The following BACH2 variants were observed in gnomAD, a reference collection of about 807,000 sequenced individuals.
The protein encoded by BACH2 is transcription regulator protein BACH2.
In BACH2, 5 loss-of-function variants were observed where a neutral mutation model predicts 61.8. The observed-to-expected ratio is 0.08, with a 90% CI of 0.04 to 0.17. BACH2 has a LOEUF of 0.17. BACH2 is among the 10% of genes least tolerant of loss of function. BACH2 has a pLI of 1.00. For missense variants in BACH2, 824 were observed against 1,091.1 expected, an observed-to-expected ratio of 0.76 and a Z score of 3.45; for synonymous variants, 446 against 440.1, an observed-to-expected ratio of 1.01 and a Z score of -0.17.
chr6:90,163,621 C>A (rs753305065), intron 4 of BACH2, among the ~76,000 whole-genome samples: 12 of 152,048 alleles, frequency 7.9e-5, no homozygotes, highest in Non-Finnish European at 1.3e-4. Flanking sequence ...TAGATGATAT[C>A]TTCATTGTAA....
At chr6:89,976,983 C>T (rs1277244766) in intron 6 of BACH2, among the ~76,000 whole-genome samples, 2 of 152,234 alleles carry the variant, frequency 1.3e-5, no homozygotes, top group Non-Finnish European at 2.9e-5. Context: ...CTTCATATGA[C>T]TAGGTCCTGC....
chr6:90,121,268 T>C (rs1361159801), intron 4 of BACH2, among the ~76,000 whole-genome samples: 2 of 152,190 alleles, frequency 1.3e-5, no homozygotes, highest in African/African-American at 4.8e-5. Context: ...TAGTATCTTT[T>C]TAAAAAATGA....
At chr6:90,079,606 A>C (rs1038684123) in intron 5 of BACH2, among the ~76,000 whole-genome samples, 2 of 152,166 alleles carry the variant, frequency 1.3e-5, no homozygotes, top group Non-Finnish European at 2.9e-5. Context: ...TTAAACAGAG[A>C]CAAATTATTT....
chr6:90,057,167 A>T (rs1169065446), intron 5 of BACH2, among the ~76,000 whole-genome samples: 1 of 152,204 alleles, frequency 6.6e-6, no homozygotes, highest in African/African-American at 2.4e-5. Context: ...CCCTTCAAAA[A>T]ATGAATGAAT....
intron 1 of BACH2, among the ~76,000 whole-genome samples, chr6:90,296,228 C>T (rs1562548740): frequency 2.0e-5 from 3 of 152,106 alleles, no homozygotes; most frequent in East Asian, 3.9e-4. Flanking sequence ...CCGCCGTAAA[C>T]AGCCGGGAGG....
chr6:90,241,935 C>CT (rs565177176), intron 3 of BACH2, among the ~76,000 whole-genome samples: 175 of 140,184 alleles, frequency 1.2e-3, no homozygotes, highest in East Asian at 4.4e-3. Flanking sequence ...TCCTGATTTT[C>CT]TTTTTTTTTT....
At chr6:90,267,420 T>A (rs985414993) in intron 2 of BACH2, among the ~76,000 whole-genome samples, 1 of 152,162 alleles carries the variant, frequency 6.6e-6, no homozygotes, top group African/African-American at 2.4e-5. Flanking sequence ...TCCTAACACC[T>A]GGCAGGGGTG....
intron 6 of BACH2, among the ~76,000 whole-genome samples, chr6:89,989,114 C>T (rs576090003): frequency 6.6e-6 from 1 of 152,306 alleles, no homozygotes; most frequent in South Asian, 2.1e-4. Flanking sequence ...CTCCAGTTCT[C>T]CAAGATGGAG....
chr6:90,120,805 T>G (rs1783590817), intron 4 of BACH2, among the ~76,000 whole-genome samples: 1 of 152,224 alleles, frequency 6.6e-6, no homozygotes, highest in South Asian at 2.1e-4. Flanking sequence ...ATGTTCTCTC[T>G]CGAACTCTGG....
chr6:90,103,014 TATATATATA>T (rs1181805786), intron 4 of BACH2, among the ~76,000 whole-genome samples: 1 of 34,622 alleles, frequency 2.9e-5, no homozygotes, highest in African/African-American at 1.7e-4. Context: ...TACATATATA[TATATATATA>T]TATATATTTT....
At chr6:90,255,600 C>A (rs752858703) in intron 2 of BACH2, among the ~76,000 whole-genome samples, 3 of 152,008 alleles carry the variant, frequency 2.0e-5, no homozygotes, top group Non-Finnish European at 4.4e-5. Flanking sequence ...AGAAAACAGC[C>A]AACTTTAAGC....
intron 5 of BACH2, among the ~76,000 whole-genome samples, chr6:90,053,391 C>T (rs1261298755): frequency 7.2e-5 from 11 of 152,010 alleles, no homozygotes; most frequent in East Asian, 1.9e-4. Flanking sequence ...GTGATTCTCC[C>T]GCCTCAGCCT....
At chr6:90,011,931 T>A (rs1414432232) in intron 5 of BACH2, among the ~76,000 whole-genome samples, 1 of 86,554 alleles carries the variant, frequency 1.2e-5, no homozygotes, top group African/African-American at 5.4e-5. Flanking sequence ...AAAAAAAAAA[T>A]ATGTGTGTGT....
intron 7 of BACH2, among the ~76,000 whole-genome samples, chr6:89,942,247 T>C (rs1356959234): frequency 6.6e-6 from 1 of 152,096 alleles, no homozygotes; most frequent in African/African-American, 2.4e-5. Flanking sequence ...GAGTAATAAG[T>C]TCCAAGCCAA....
At chr6:90,089,182 A>G (rs1330557848) in intron 4 of BACH2, 73 bp from the exon 5 acceptor site, 2 of 152,114 alleles carry the variant, frequency 1.3e-5, no homozygotes, top group Non-Finnish European at 2.9e-5. Context: ...CTCTCCTGCT[A>G]TCTCGCCATA....
At chr6:89,971,664 G>A (rs1035516489) in intron 6 of BACH2, among the ~76,000 whole-genome samples, 42 of 152,166 alleles carry the variant, frequency 2.8e-4, no homozygotes, top group African/African-American at 9.2e-4. Context: ...CACATGGCTG[G>A]GGAGGCCTCA....
intron 4 of BACH2, among the ~76,000 whole-genome samples, chr6:90,112,278 T>A (rs1196033713): frequency 3.3e-5 from 5 of 152,240 alleles, no homozygotes; most frequent in African/African-American, 1.2e-4. Flanking sequence ...CACAAAAAGA[T>A]CATCCCCAAG....
Position 90,008,867 on chromosome 6 carries a change from G to T in BACH2, c.-12-11C>A, listed in dbSNP as rs1359599080. On this transcript the variant is annotated splice_polypyrimidine_tract_variant and intron_variant, in intron 5 of 8. Coordinates refer to ENST00000257749, the MANE Select transcript of BACH2 (RefSeq NM_021813.4). This position sits in a 1 kb window ranked among gnomAD's most constrained non-coding sequence, Gnocchi z 4.1. The stretch of plus-strand genomic sequence containing the variant: ...CATGCCGTTCACACCCTGAAAGAAA[G>T]AAAGAAACAAAGAAAGAAAGAAAGA... The T allele has an allele frequency of 6.2e-7, 1 of 1,609,570 alleles. No individual in the cohort carries two copies. Among genetic ancestry groups the T allele is most frequent in the Non-Finnish European group, 8.5e-7 (1 of 1,176,952 alleles).
chr6:90,162,392 G>A (rs534257555), intron 4 of BACH2, among the ~76,000 whole-genome samples: 355 of 152,238 alleles, frequency 2.3e-3, no homozygotes, highest in African/African-American at 8.1e-3. Flanking sequence ...TAATCCTAGC[G>A]CTTTGGGAGG....
Sources: allele counts gnomAD v4.1 joint callset (sites outside exome capture counted in the v4.1 genomes callset), GRCh38; gene constraint gnomAD v4.1.1; non-coding constraint Gnocchi (gnomAD v3.1); transcripts MANE v1.5; gene names NCBI Gene and HGNC (gene_info 2026-07-23, HGNC 2026-07-21).